The following FANCL variants were observed in gnomAD, a reference collection of about 807,000 sequenced individuals.
FANCL encodes FA complementation group L.
Under a neutral mutation model 59.4 loss-of-function variants are expected in FANCL, and 69 were observed. The ratio of observed to expected loss-of-function variants is 1.16; its 90% CI spans 0.96 to 1.42. The LOEUF is 1.42. FANCL is among the 40% of genes most tolerant of loss of function. The pLI, the probability that FANCL is intolerant of heterozygous loss-of-function variation, is 0.00. For synonymous variants in FANCL, 180 were observed against 147.1 expected (o/e 1.22, Z -1.62); for missense variants, 519 against 447.2 (o/e 1.16, Z -1.45).
intron 7 of FANCL, among the ~76,000 whole-genome samples, chr2:58,180,472 C>T (rs1428676695): frequency 6.6e-6 from 1 of 151,986 alleles, no homozygotes; most frequent in Non-Finnish European, 1.5e-5. Context: ...AAACCAAACA[C>T]TGCATGTTCT....
chr2:58,223,999 C>T (rs72948884), intron 4 of FANCL, among the ~76,000 whole-genome samples: 3,001 of 151,842 alleles, frequency 0.02, 114 homozygotes, highest in African/African-American at 0.069. Flanking sequence ...AATAAAATCA[C>T]CAAATTTGTC....
At chr2:58,222,724 T>G (rs894005586) in intron 4 of FANCL, among the ~76,000 whole-genome samples, 2 of 152,064 alleles carry the variant, frequency 1.3e-5, no homozygotes, top group Admixed American at 6.6e-5. Context: ...AAGCTAAAAT[T>G]ACCAATTATT....
At chr2:58,235,639 A>T (rs1348688464) in intron 1 of FANCL, among the ~76,000 whole-genome samples, 1 of 152,136 alleles carries the variant, frequency 6.6e-6, no homozygotes, top group Non-Finnish European at 1.5e-5. Flanking sequence ...CCAAGCACAT[A>T]TATTTCCTGC....
At chr2:58,214,085 G>A (rs1322006028) in intron 5 of FANCL, among the ~76,000 whole-genome samples, 1 of 152,098 alleles carries the variant, frequency 6.6e-6, no homozygotes, top group African/African-American at 2.4e-5. Context: ...TTTATCCTGA[G>A]AAATTAAATA....
At chr2:58,160,297 A>G in intron 12 of FANCL, 118 bp from the exon 13 acceptor site, 1 of 1,089,810 alleles carries the variant, frequency 9.2e-7, no homozygotes, top group Non-Finnish European at 1.4e-6. Flanking sequence ...GACTTAGCTT[A>G]ATTTTGTTTT....
chr2:58,160,041 C>T, intron 13 of FANCL, 67 bp downstream of exon 13: 1 of 1,603,838 alleles, frequency 6.2e-7, no homozygotes, highest in South Asian at 1.1e-5. Context: ...CTATATAGAT[C>T]TATCTTCTAG....
intron 3 of FANCL, among the ~76,000 whole-genome samples, chr2:58,227,266 G>A (rs1359246264): frequency 1.3e-5 from 2 of 152,150 alleles, no homozygotes; most frequent in African/African-American, 4.8e-5. Context: ...TTTTAGTTTA[G>A]CCATCCATAG....
intron 7 of FANCL, among the ~76,000 whole-genome samples, chr2:58,195,408 G>A (rs919462055): frequency 1.3e-5 from 2 of 152,016 alleles, no homozygotes; most frequent in Non-Finnish European, 2.9e-5. Context: ...CACAAATGAA[G>A]AAGACACATT....
At chr2:58,219,513 G>A (rs989283444) in intron 5 of FANCL, among the ~76,000 whole-genome samples, 1 of 151,642 alleles carries the variant, frequency 6.6e-6, no homozygotes, top group African/African-American at 2.4e-5. Flanking sequence ...GTAAAGTGTG[G>A]AGAGAGAGAA....
rs764782273 is a variant in FANCL, at chr2:58,241,215, T to A, written c.96+3A>T. 3 of 1,614,088 alleles carry A rather than the reference T, an allele frequency of 1.9e-6. No individual in the cohort carries two copies. The East Asian group carries it at 6.7e-5, about 36-fold the overall frequency. Reference sequence around the variant, plus strand: ...AGCTAGAAAGCAACCACTGGGCGGGTACCTGAGCCGAGATGAATCCCTCAT... The same window carrying A: ...AGCTAGAAAGCAACCACTGGGCGGGAACCTGAGCCGAGATGAATCCCTCAT... On this transcript the variant is annotated splice_donor_region_variant and intron_variant, in intron 1 of 13. Coordinates refer to ENST00000233741, the MANE Select transcript of FANCL (RefSeq NM_018062.4).
intron 7 of FANCL, among the ~76,000 whole-genome samples, chr2:58,175,663 C>G (rs1175725305): frequency 1.3e-5 from 2 of 152,146 alleles, no homozygotes; most frequent in Non-Finnish European, 2.9e-5. Context: ...CTATGACAAA[C>G]CCACAGCCAA....
chr2:58,179,647 G>C (rs1183231782), intron 7 of FANCL, among the ~76,000 whole-genome samples: 1 of 152,110 alleles, frequency 6.6e-6, no homozygotes, highest in Non-Finnish European at 1.5e-5. Context: ...AGAAAACCTA[G>C]GCAAAACCAT....
intron 1 of FANCL, among the ~76,000 whole-genome samples, chr2:58,237,504 T>A (rs765240084): frequency 1.3e-5 from 2 of 152,026 alleles, no homozygotes; most frequent in Non-Finnish European, 2.9e-5. Context: ...TGTACTAGAA[T>A]AGAAGAAAGA....
rs779439089 is a variant in FANCL at position 58,165,744 on chromosome 2, G to T, written c.671C>A (p.Thr224Lys). 2.5e-6 allele frequency: 4 copies of T among 1,614,078 alleles called. No individual in the cohort carries two copies. In the East Asian group the frequency reaches 8.9e-5, roughly 36 times the overall value. The change falls in exon 8 of 14, where the codon ACA (threonine) becomes AAA (lysine). Residue 224 changes from threonine (T) to lysine (K), a missense_variant. By Grantham distance (78) the Thr-to-Lys change is moderately conservative. Coordinates refer to ENST00000233741, the MANE Select transcript of FANCL (RefSeq NM_018062.4). ...CCTACCTAATGCAATTCTGCGTGCT[G>T]TTGCACTCCGTGGAGGTTTTTCTGG... ...LEPEKPPRSA[T>K]ARRIALGNNV...
At chr2:58,200,146 G>A (rs112101932) in intron 6 of FANCL, among the ~76,000 whole-genome samples, 7 of 151,474 alleles carry the variant, frequency 4.6e-5, no homozygotes, top group African/African-American at 1.7e-4. Flanking sequence ...AATTAAAAGA[G>A]GAAGTTCTAT....
chr2:58,235,982 G>A (rs1693980830), intron 1 of FANCL, among the ~76,000 whole-genome samples: 1 of 151,282 alleles, frequency 6.6e-6, no homozygotes, highest in African/African-American at 2.4e-5. Context: ...TGAGTGAGTT[G>A]TGACAACTTA....
intron 2 of FANCL, among the ~76,000 whole-genome samples, chr2:58,230,101 T>C (rs747047023): frequency 6.6e-6 from 1 of 152,176 alleles, no homozygotes; most frequent in African/African-American, 2.4e-5. Flanking sequence ...ATGCAAACAG[T>C]ACATCTTGTT....
chr2:58,219,618 T>C (rs751623466), intron 5 of FANCL, among the ~76,000 whole-genome samples: 2 of 152,004 alleles, frequency 1.3e-5, no homozygotes, highest in Non-Finnish European at 1.5e-5. Flanking sequence ...AGAGATAACA[T>C]GTACCCTTGA....
intron 1 of FANCL, among the ~76,000 whole-genome samples, chr2:58,236,050 C>CAAAAAAAAAAAAAAAAAAAA (rs767983260): frequency 1.2e-5 from 1 of 84,086 alleles, no homozygotes; most frequent in Non-Finnish European, 2.6e-5. Context: ...AAAGGAGGAA[C>CAAAAAAAAAAAAAAAAAAAA]AAAAAAAAAA....
Sources: gnomAD v4.1 joint callset for allele counts (sites outside exome capture counted in the v4.1 genomes callset) on GRCh38, gnomAD v4.1.1 for gene constraint, MANE v1.5 for transcripts, NCBI Gene and HGNC (gene_info 2026-07-23, HGNC 2026-07-21) for gene names.